Variants in SUMF1 observed in about 807,000 individuals in gnomAD.
The protein encoded by SUMF1 is sulfatase modifying factor 1, also known as formylglycine-generating enzyme.
SUMF1 carries 48 observed loss-of-function variants against 47.6 expected under a neutral mutation model. That is an observed-to-expected ratio of 1.01 (90% confidence interval 0.80 to 1.28). The LOEUF (loss-of-function observed/expected upper bound fraction) is 1.28, where lower values mean the gene tolerates loss of function less well. SUMF1 is among the 50% of genes most tolerant of loss of function. The pLI, the probability that SUMF1 is intolerant of heterozygous loss-of-function variation, is 0.00. For missense variants in SUMF1, 571 were observed against 485.4 expected, an observed-to-expected ratio of 1.18 and a Z score of -1.66; for synonymous variants, 230 against 192.1, an observed-to-expected ratio of 1.20 and a Z score of -1.63.
At chr3:4,364,816 T>C (rs1207886645) in intron 8 of SUMF1, among the ~76,000 whole-genome samples, 3 of 151,982 alleles carry the variant, frequency 2.0e-5, no homozygotes, top group African/African-American at 7.3e-5. Flanking sequence ...ATTGTGATGT[T>C]AGGGTATCAA....
chr3:4,236,118 T>C (rs1195331408), intron 8 of SUMF1, among the ~76,000 whole-genome samples: 1 of 152,092 alleles, frequency 6.6e-6, no homozygotes, highest in Non-Finnish European at 1.5e-5. Context: ...TAATTTTTTG[T>C]ATAGATGGGG....
chr3:4,355,481 T>C (rs1434323862), intron 8 of SUMF1, among the ~76,000 whole-genome samples: 1 of 152,222 alleles, frequency 6.6e-6, no homozygotes, highest in Non-Finnish European at 1.5e-5. Context: ...TTGTGGACTT[T>C]GAAAATGCAA....
intron 8 of SUMF1, 53 bp downstream of exon 8, chr3:4,376,277 A>G (rs1700325187): frequency 6.2e-7 from 1 of 1,602,882 alleles, no homozygotes; most frequent in Non-Finnish European, 8.5e-7. Context: ...CAATGGATCC[A>G]TAAAACTGCT....
At chr3:4,071,932 T>C (rs541226004) in intron 8 of SUMF1, among the ~76,000 whole-genome samples, 10 of 152,238 alleles carry the variant, frequency 6.6e-5, no homozygotes, top group African/African-American at 1.2e-4. Flanking sequence ...CAGCATGGCA[T>C]TGGAGCTCTT....
At chr3:4,342,389 T>C (rs1214541430) in intron 8 of SUMF1, among the ~76,000 whole-genome samples, 1 of 151,994 alleles carries the variant, frequency 6.6e-6, no homozygotes, top group Non-Finnish European at 1.5e-5. Context: ...AAAAATTAGC[T>C]AGATGTGATG....
chr3:4,108,392 A>G (rs1011869326), intron 8 of SUMF1, among the ~76,000 whole-genome samples: 4 of 152,110 alleles, frequency 2.6e-5, no homozygotes, highest in Admixed American at 2.0e-4. Flanking sequence ...AGAAGAATGT[A>G]TATTCTGTTG....
At chr3:4,125,117 C>T (rs1459078928) in intron 8 of SUMF1, among the ~76,000 whole-genome samples, 4 of 152,006 alleles carry the variant, frequency 2.6e-5, no homozygotes, top group Non-Finnish European at 5.9e-5. Context: ...AATAAAAAAA[C>T]TTTGTGTTTT....
At chr3:4,401,848 C>G (rs1412453605) in intron 7 of SUMF1, among the ~76,000 whole-genome samples, 1 of 152,132 alleles carries the variant, frequency 6.6e-6, no homozygotes, top group African/African-American at 2.4e-5. Context: ...GCATATGGCT[C>G]TCCCTTCCCA....
At chr3:4,182,728 T>C (rs557520993) in intron 8 of SUMF1, among the ~76,000 whole-genome samples, 4 of 152,184 alleles carry the variant, frequency 2.6e-5, no homozygotes, top group Non-Finnish European at 5.9e-5. Flanking sequence ...GGACTTCAGG[T>C]ATAGTTTTGG....
chr3:4,206,807 TTC>T (rs1695662716), intron 8 of SUMF1, among the ~76,000 whole-genome samples: 1 of 152,060 alleles, frequency 6.6e-6, no homozygotes, highest in South Asian at 2.1e-4. Context: ...CTCTCCCCCA[TTC>T]TTTTTTTTTT....
intron 3 of SUMF1, among the ~76,000 whole-genome samples, chr3:4,435,085 C>G (rs1418200364): frequency 6.6e-6 from 1 of 152,116 alleles, no homozygotes; most frequent in Non-Finnish European, 1.5e-5. Flanking sequence ...CACCACCACA[C>G]CCGGCTGATT....
Position 4,449,172 on chromosome 3 carries a change from G to A in SUMF1, c.519+94C>T, listed in dbSNP as rs142885278. 6 of 1,315,510 alleles carry A rather than the reference G, an allele frequency of 4.6e-6. No individual in the cohort carries two copies. In the African/African-American group the frequency reaches 5.8e-5, roughly 13 times the overall value. The allele number at this position is 1,315,510 out of a possible 1,614,324, so 81.5% of individuals were successfully genotyped here. On this transcript the variant is annotated intron_variant, in intron 3 of 8. Transcript: ENST00000272902. ...CAGGAGAATGGTTAGGTGTTACAGG[G>A]AGAGGAAGGTGACACATGTGGTTTG...
At chr3:4,138,531 TA>T (rs1232675890) in intron 8 of SUMF1, among the ~76,000 whole-genome samples, 2 of 152,062 alleles carry the variant, frequency 1.3e-5, no homozygotes, top group African/African-American at 2.4e-5. Flanking sequence ...ACATGGACAG[TA>T]TGTGATAAAG....
rs530649169 is a variant in SUMF1 at position 4,074,204 on chromosome 3, T to C, written c.1015-5459A>G. Reference sequence around the variant, plus strand: ...AGAAACTCACTCAAAACTGCATGACTACATGGAAACTGATCAACCTGCTCC... The same window carrying C: ...AGAAACTCACTCAAAACTGCATGACCACATGGAAACTGATCAACCTGCTCC... On this transcript the variant is annotated intron_variant and NMD_transcript_variant, in intron 8 of 12. Transcript: ENST00000448413. 2.2e-4 allele frequency among the ~76,000 whole-genome samples: 34 copies of C among 152,264 alleles called. 1 individual carries two copies. The South Asian group carries it at 6.0e-3, about 27-fold the overall frequency.
At chr3:4,138,114 T>C (rs1408993848) in intron 8 of SUMF1, among the ~76,000 whole-genome samples, 1 of 152,080 alleles carries the variant, frequency 6.6e-6, no homozygotes, top group Non-Finnish European at 1.5e-5. Flanking sequence ...GGTTTGGGTC[T>C]TTTGCGATGA....
At chr3:4,448,444 G>C (rs1179637251) in intron 3 of SUMF1, among the ~76,000 whole-genome samples, 2 of 152,058 alleles carry the variant, frequency 1.3e-5, no homozygotes, top group African/African-American at 2.4e-5. Context: ...AGCCTCCCTG[G>C]AGTGGGCAGA....
intron 8 of SUMF1, among the ~76,000 whole-genome samples, chr3:4,289,546 T>C (rs746750212): frequency 2.0e-5 from 3 of 152,190 alleles, no homozygotes; most frequent in African/African-American, 7.2e-5. Context: ...AGCCCTTGCC[T>C]TCAAGCAAGT....
rs551384431 is a variant in SUMF1, at chr3:4,401,662, C to G, written c.954+9203G>C. Reference sequence around the variant, plus strand: ...TTAAAGCTAAATCTCAGATGGAAACCCAGGCGACTGACCTCACTTTCATCA... The same window carrying G: ...TTAAAGCTAAATCTCAGATGGAAACGCAGGCGACTGACCTCACTTTCATCA... On this transcript the variant is annotated intron_variant, in intron 7 of 8. Transcript: ENST00000272902. Among the ~76,000 whole-genome samples the G allele has an allele frequency of 3.3e-5, 5 of 152,258 alleles. No individual in the cohort carries two copies. In the South Asian group the frequency reaches 8.3e-4, roughly 25 times the overall value.
At chr3:4,143,529 TTTATTTTGACATTATTA>T (rs1694121750) in intron 8 of SUMF1, among the ~76,000 whole-genome samples, 1 of 152,146 alleles carries the variant, frequency 6.6e-6, no homozygotes, top group Non-Finnish European at 1.5e-5. Context: ...AAAGTCATCA[TTTATTTTGACATTATTA>T]TTATTTTGAC....
Sources: gnomAD v4.1 joint callset for allele counts (sites outside exome capture counted in the v4.1 genomes callset) on GRCh38, gnomAD v4.1.1 for gene constraint, MANE v1.5 for transcripts, NCBI Gene and HGNC (gene_info 2026-07-23, HGNC 2026-07-21) for gene names.